KIAA0513: variants seen among roughly 807,000 people sequenced by gnomAD.
KIAA0513 encodes KIAA0513.
KIAA0513 carries 39 observed loss-of-function variants against 56.5 expected under a neutral mutation model. The ratio of observed to expected loss-of-function variants is 0.69; its 90% CI spans 0.53 to 0.90. KIAA0513 has a LOEUF of 0.90. Among genes scored for constraint, KIAA0513 ranks in the 40% least tolerant of loss-of-function variants. KIAA0513 has a pLI of 0.00. For synonymous variants in KIAA0513, 268 were observed against 215.6 expected (o/e 1.24, Z -2.13); for missense variants, 591 against 535.2 (o/e 1.10, Z -1.03).
intron 11 of KIAA0513, 149 bp downstream of exon 11, chr16:85,086,873 T>A: frequency 1.2e-6 from 1 of 857,338 alleles, no homozygotes; most frequent in Non-Finnish European, 1.8e-6. Flanking sequence ...AGCTCATAAT[T>A]AATCCGCCTC....
chr16:85,029,072 G>A (rs1052744661), intron 1 of KIAA0513, among the ~76,000 whole-genome samples: 4 of 152,204 alleles, frequency 2.6e-5, no homozygotes, highest in African/African-American at 7.2e-5. Context: ...CCTGGGAAGC[G>A]TATGTTCTCC....
chr16:85,079,077 A>G, intron 8 of KIAA0513, 74 bp downstream of exon 8: 1 of 1,611,090 alleles, frequency 6.2e-7, no homozygotes, highest in Non-Finnish European at 8.5e-7. Flanking sequence ...GATCACTTCT[A>G]GCTGCCTTTG....
chr16:85,082,905 G>A (rs931889377), intron 10 of KIAA0513, among the ~76,000 whole-genome samples: 3 of 152,258 alleles, frequency 2.0e-5, no homozygotes, highest in African/African-American at 7.2e-5. Flanking sequence ...AGGCGGTGAC[G>A]CCGGGGAAAG....
chr16:85,078,353 C>A (rs760390241), intron 6 of KIAA0513, 62 bp from the exon 7 acceptor site: 1 of 1,586,538 alleles, frequency 6.3e-7, no homozygotes, highest in Non-Finnish European at 8.6e-7. Flanking sequence ...AGAACAGCGT[C>A]TTTGAGTTGA....
Position 85,071,791 on chromosome 16 carries a change from T to C in KIAA0513, c.338T>C (p.Leu113Ser). Residue 113 changes from leucine (L) to serine (S), a missense_variant, in exon 3 of 13, where the codon TTG (leucine) becomes TCG (serine). Leu to Ser is a moderately radical substitution (Grantham distance 145). Transcript: ENST00000683363. ...VEKIFSGGEDLDQEEKAKFGE... is the reference protein window; with the variant it reads ...VEKIFSGGEDSDQEEKAKFGE... ...TTTTTTTTTTTTTTTAGGGAGGACTTGGATCAGGAGGAGAAAGCCAAGTTT... is the reference window on the plus strand; with the variant it reads ...TTTTTTTTTTTTTTTAGGGAGGACTCGGATCAGGAGGAGAAAGCCAAGTTT... 6.3e-7 allele frequency: 1 copy of C among 1,594,702 alleles called. No homozygotes were observed. Among genetic ancestry groups the C allele is most frequent in the Non-Finnish European group, 8.5e-7 (1 of 1,170,012 alleles).
At chr16:85,056,215 T>C (rs1217071654) in intron 1 of KIAA0513, among the ~76,000 whole-genome samples, 1 of 152,162 alleles carries the variant, frequency 6.6e-6, no homozygotes, top group Non-Finnish European at 1.5e-5. Flanking sequence ...CAGACATGGA[T>C]CCTAAACTGC....
chr16:85,048,518 A>C (rs2073202813), intron 1 of KIAA0513, among the ~76,000 whole-genome samples: 1 of 134,660 alleles, frequency 7.4e-6, no homozygotes, highest in Non-Finnish European at 1.6e-5. Context: ...TCTCACTCTC[A>C]CCCTCTCCCC....
chr16:85,030,742 TAA>T (rs56905897), intron 1 of KIAA0513, among the ~76,000 whole-genome samples: 164 of 134,144 alleles, frequency 1.2e-3, no homozygotes, highest in Admixed American at 1.4e-3. Context: ...AGACTCCATC[TAA>T]AAAAAAAAAA....
chr16:85,052,326 A>AAGC (rs754964332), intron 1 of KIAA0513, among the ~76,000 whole-genome samples: 10 of 129,154 alleles, frequency 7.7e-5, no homozygotes, highest in Non-Finnish European at 1.3e-4. Context: ...CTGTCTCAAA[A>AAGC]AGCAACAACA....
intron 2 of KIAA0513, 100 bp downstream of exon 2, chr16:85,067,500 G>A: frequency 1.1e-6 from 1 of 930,740 alleles, no homozygotes; most frequent in Non-Finnish European, 1.6e-6. Flanking sequence ...GTGCCACCTG[G>A]GACCAGAGCT....
intron 1 of KIAA0513, among the ~76,000 whole-genome samples, chr16:85,039,074 C>T (rs2073072753): frequency 1.3e-5 from 2 of 152,206 alleles, no homozygotes; most frequent in Admixed American, 1.3e-4. Context: ...TCTCTTTCAC[C>T]CGGAGCAATG....
intron 1 of KIAA0513, among the ~76,000 whole-genome samples, chr16:85,037,593 C>T (rs564281762): frequency 1.3e-5 from 2 of 152,246 alleles, no homozygotes; most frequent in Non-Finnish European, 2.9e-5. Flanking sequence ...AATAGAAAAC[C>T]CGTTAACCAA....
Position 85,048,688 on chromosome 16 carries a change from G to A in KIAA0513, c.-172-18212G>A, listed in dbSNP as rs149274944. On this transcript the variant is annotated intron_variant, in intron 1 of 12. Coordinates refer to ENST00000683363, the MANE Select transcript of KIAA0513 (RefSeq NM_001388359.1). ...GAGCCCTGGAGTTCAAGGCTGCAGC[G>A]AGCCAAGGTTGTGCCACTGCACCTT... Among the ~76,000 whole-genome samples the A allele has an allele frequency of 9.4e-3, 1,426 of 152,280 alleles. 22 individuals are homozygous for A. The highest frequency in any genetic ancestry group is 0.033 in the African/African-American group (1,360 of 41,550).
At chr16:85,067,678 T>C (rs1340284141) in intron 2 of KIAA0513, among the ~76,000 whole-genome samples, 1 of 152,140 alleles carries the variant, frequency 6.6e-6, no homozygotes, top group African/African-American at 2.4e-5. Flanking sequence ...TATGTGCGGC[T>C]CCCAGGTGAT....
rs560061846 is a variant in KIAA0513 at position 85,057,708 on chromosome 16, G to A, written c.-172-9192G>A. Among the ~76,000 whole-genome samples, 8 of 152,146 alleles carry A rather than the reference G, an allele frequency of 5.3e-5. No homozygotes were observed. In the South Asian group the frequency reaches 1.7e-3, roughly 32 times the overall value. ...GGAGGCAGTCAGCCAGAGCTAGCCC[G>A]TATGCCAGTGCCTGGTTTAGAGGAT... On this transcript the variant is annotated intron_variant, in intron 1 of 12. Coordinates refer to ENST00000683363, the MANE Select transcript of KIAA0513 (RefSeq NM_001388359.1).
chr16:85,052,182 TG>T (rs1045594374), intron 1 of KIAA0513, among the ~76,000 whole-genome samples: 6 of 152,018 alleles, frequency 3.9e-5, no homozygotes, highest in Non-Finnish European at 8.8e-5. Flanking sequence ...TAGCCGGGCA[TG>T]GTGGCACACG....
rs1157235097 is a variant in KIAA0513, at chr16:85,072,953, C to G, written c.458C>G (p.Ala153Gly). The change falls in exon 4 of 13, where the codon GCA becomes GGA. Residue 153 changes from alanine to glycine, a missense_variant. Ala to Gly is a moderately conservative substitution (Grantham distance 60, BLOSUM62 0). Coordinates refer to ENST00000683363, the MANE Select transcript of KIAA0513 (RefSeq NM_001388359.1). ...TGCAACTCCAAGTGTGTCTCAGAGG[C>G]AACCTTCTACCGCCTGGTGCAGTCT... ...QRCNSKCVSE[A>G]TFYRLVQSFA... is the part of the protein sequence containing the mutation. 2 of 1,614,206 alleles carry G rather than the reference C, an allele frequency of 1.2e-6. No homozygotes were observed. The highest frequency in any genetic ancestry group is 1.7e-6 in the Non-Finnish European group (2 of 1,180,038).
intron 1 of KIAA0513, among the ~76,000 whole-genome samples, chr16:85,054,006 A>AAG (rs2073291993): frequency 6.6e-6 from 1 of 150,964 alleles, no homozygotes; most frequent in Non-Finnish European, 1.5e-5. Context: ...AAAAAAAAAA[A>AAG]AAAATTAGCT....
chr16:85,061,216 A>G (rs2073400362), intron 1 of KIAA0513, among the ~76,000 whole-genome samples: 1 of 152,156 alleles, frequency 6.6e-6, no homozygotes, highest in Non-Finnish European at 1.5e-5. Context: ...ATATTGCTGC[A>G]GACAGACTTT....
Sources: allele counts gnomAD v4.1 joint callset (sites outside exome capture counted in the v4.1 genomes callset), GRCh38; gene constraint gnomAD v4.1.1; transcripts MANE v1.5; gene names NCBI Gene and HGNC (gene_info 2026-07-23, HGNC 2026-07-21).